The following SETD2 variants were observed in gnomAD, a reference collection of about 807,000 sequenced individuals.
SETD2 encodes histone-lysine N-methyltransferase SETD2.
In SETD2, 31 loss-of-function variants were observed where a neutral mutation model predicts 242.1. The observed-to-expected ratio is 0.13, with a 90% confidence interval of 0.10 to 0.17. The LOEUF (loss-of-function observed/expected upper bound fraction) is 0.17, where lower values mean the gene tolerates loss of function less well. Among genes scored for constraint, SETD2 ranks in the 10% least tolerant of loss-of-function variants. The pLI, the probability that SETD2 is intolerant of heterozygous loss-of-function variation, is 1.00. For missense variants in SETD2, 2,481 were observed against 3,046.3 expected (o/e 0.81, Z 4.37); for synonymous variants, 1,006 against 1,066.5 (o/e 0.94, Z 1.11).
In SETD2 at chr3:47,111,749, G is replaced by GA. The variant is rs1156878466; in HGVS notation, c.4715+2126dup. Among the ~76,000 whole-genome samples, 204 of 109,486 alleles carry GA rather than the reference G, an allele frequency of 1.9e-3. 1 individual carries two copies. The highest frequency in any genetic ancestry group is 4.9e-3 in the African/African-American group (143 of 29,112). The allele number at this position is 109,486 out of a possible 152,430, so 71.8% of individuals were successfully genotyped here. On this transcript the variant is annotated intron_variant, in intron 5 of 20. Coordinates refer to ENST00000409792, the MANE Select transcript of SETD2 (RefSeq NM_014159.7). ...TCAACATCATTTCTTATCTTCAAAG[G>GA]AAAAAAAAAAAAAGAACAATTTGCT...
rs147654468 is a variant in SETD2 at position 47,158,965 on chromosome 3, C to T, written c.71+4889G>A. Among the ~76,000 whole-genome samples the T allele has an allele frequency of 1.8e-3, 267 of 152,270 alleles. 2 individuals are homozygous for T. The highest frequency in any genetic ancestry group is 5.4e-3 in the African/African-American group (225 of 41,550). On this transcript the variant is annotated intron_variant, in intron 1 of 20. Transcript: ENST00000409792. ...CCTCAAACTGCACACTAAAACAGTT[C>T]TCTTAACACAGGCATTTAAAAAACC...
chr3:47,118,096 G>C (rs2042933666), intron 3 of SETD2, among the ~76,000 whole-genome samples: 1 of 152,168 alleles, frequency 6.6e-6, no homozygotes, highest in Non-Finnish European at 1.5e-5. Context: ...AGAGTGTTAT[G>C]ATAGTTTTAA....
intron 19 of SETD2, among the ~76,000 whole-genome samples, chr3:47,018,144 C>A (rs1242229780): frequency 6.6e-6 from 1 of 152,200 alleles, no homozygotes; most frequent in Non-Finnish European, 1.5e-5. Flanking sequence ...TGAGGCTTAG[C>A]AATCCCAGGA....
intron 15 of SETD2, among the ~76,000 whole-genome samples, chr3:47,048,798 C>T (rs1342102410): frequency 6.6e-6 from 1 of 150,888 alleles, no homozygotes; most frequent in Non-Finnish European, 1.5e-5. Context: ...CTCCCGAGTA[C>T]CTGGGACTAC....
intron 1 of SETD2, among the ~76,000 whole-genome samples, chr3:47,133,415 G>A (rs1196898860): frequency 2.0e-5 from 3 of 152,056 alleles, no homozygotes; most frequent in African/African-American, 4.8e-5. Context: ...AATCAAATAT[G>A]AAAAGTTGTT....
At chr3:47,149,471 T>A (rs756832784) in intron 1 of SETD2, among the ~76,000 whole-genome samples, 2 of 152,158 alleles carry the variant, frequency 1.3e-5, no homozygotes, top group African/African-American at 4.8e-5. Flanking sequence ...ACACCTCTTA[T>A]AGCACTCAGC....
intron 1 of SETD2, among the ~76,000 whole-genome samples, chr3:47,135,962 C>T (rs1488629970): frequency 6.6e-6 from 1 of 152,152 alleles, no homozygotes; most frequent in Non-Finnish European, 1.5e-5. Context: ...TCACAGACCA[C>T]ATTCTTCAGT....
chr3:47,139,587 T>C (rs1428103361), intron 1 of SETD2, among the ~76,000 whole-genome samples: 2 of 152,194 alleles, frequency 1.3e-5, no homozygotes, highest in Admixed American at 6.6e-5. Flanking sequence ...TACTAGTTTT[T>C]AGCTTCCTCA....
At chr3:47,085,386 C>T (rs2041509350) in intron 11 of SETD2, among the ~76,000 whole-genome samples, 1 of 152,202 alleles carries the variant, frequency 6.6e-6, no homozygotes, top group Non-Finnish European at 1.5e-5. Context: ...CTGTCATACA[C>T]ACAAAAATGC....
At chr3:47,089,219 G>A (rs1190149731) in intron 9 of SETD2, among the ~76,000 whole-genome samples, 1 of 152,170 alleles carries the variant, frequency 6.6e-6, no homozygotes, top group Non-Finnish European at 1.5e-5. Flanking sequence ...GCTGAGGCAG[G>A]AAGATGACTT....
At chr3:47,094,098 G>A (rs1275497067) in intron 9 of SETD2, among the ~76,000 whole-genome samples, 1 of 152,080 alleles carries the variant, frequency 6.6e-6, no homozygotes, top group Admixed American at 6.6e-5. Flanking sequence ...ACTCAGGTGG[G>A]TTTTCACCCT....
chr3:47,017,282 C>CA lies in SETD2; in HGVS notation c.7534-29dup. 6.2e-7 allele frequency: 1 copy of CA among 1,612,462 alleles called. No homozygotes were observed. The highest frequency in any genetic ancestry group is 8.5e-7 in the Non-Finnish European group (1 of 1,178,984). ...GTCCAGGGCACAGGAAGAGAGACCACAGCCACCAATCAGAGCAGAAATTAT... is the reference window on the plus strand; with the variant it reads ...GTCCAGGGCACAGGAAGAGAGACCACAAGCCACCAATCAGAGCAGAAATTAT... On this transcript the variant is annotated intron_variant, in intron 20 of 20. Transcript: ENST00000409792. The surrounding 1 kb of genome is among the most constrained non-coding windows in gnomAD (Gnocchi z 4.8).
At chr3:47,058,798 A>C (rs184593421) in intron 14 of SETD2, among the ~76,000 whole-genome samples, 103 of 151,358 alleles carry the variant, frequency 6.8e-4, no homozygotes, top group African/African-American at 2.1e-3. Flanking sequence ...GGCACAGGGG[A>C]ATTTTTTTTT....
Position 47,088,217 on chromosome 3 carries a change from T to C in SETD2, c.5173A>G (p.Asn1725Asp), listed in dbSNP as rs770349862. 6.2e-7 allele frequency: 1 copy of C among 1,613,600 alleles called. No homozygotes were observed. Among genetic ancestry groups the C allele is most frequent in the Non-Finnish European group, 8.5e-7 (1 of 1,179,796 alleles). The change falls in exon 10 of 21, where the codon AAT (asparagine) becomes GAT (aspartate). Residue 1725 changes from asparagine (N) to aspartate (D), a missense_variant. Around this residue, in one of 17 missense-constraint regions of SETD2, gnomAD observed 62 missense variants for 136.7 expected, o/e 0.45. Coordinates refer to ENST00000409792, the MANE Select transcript of SETD2 (RefSeq NM_014159.7). The part of the protein sequence containing the change: ...VDGELEALME[N>D]GEGLSDKNQV... ...TTTTTATCAGAGAGACCCTCACCAT[T>C]TTCCATCAGAGCTTCTAGCTCTCCA...
At chr3:47,112,367 C>T (rs755240006) in intron 5 of SETD2, among the ~76,000 whole-genome samples, 3 of 152,062 alleles carry the variant, frequency 2.0e-5, no homozygotes, top group Admixed American at 6.5e-5. Flanking sequence ...CTGCAACCTT[C>T]GCTTCCCCGG....
chr3:47,164,301 G>A (rs987820994), upstream of SETD2, among the ~76,000 whole-genome samples: 5 of 152,104 alleles, frequency 3.3e-5, no homozygotes, highest in South Asian at 8.3e-4. This position sits in a 1 kb window ranked among gnomAD's most constrained non-coding sequence, Gnocchi z 5.4. Context: ...GGCCGACCGT[G>A]CCTGTGGCTC....
chr3:47,067,899 GTGTT>G (rs2040634679), intron 12 of SETD2, among the ~76,000 whole-genome samples: 3 of 152,224 alleles, frequency 2.0e-5, no homozygotes, highest in South Asian at 2.1e-4. Flanking sequence ...CTTTCACATT[GTGTT>G]TGTTATAAAA....
chr3:47,090,485 G>C (rs1379645870), intron 9 of SETD2, among the ~76,000 whole-genome samples: 1 of 152,008 alleles, frequency 6.6e-6, no homozygotes, highest in Admixed American at 6.6e-5. Context: ...CCACCTCCCA[G>C]GTTCAAGTGA....
chr3:47,064,327 T>C (rs895489976), intron 13 of SETD2, among the ~76,000 whole-genome samples: 31 of 152,174 alleles, frequency 2.0e-4, no homozygotes, highest in African/African-American at 7.2e-4. Context: ...ACAGAACTCA[T>C]TTGTACCACA....
Sources: gnomAD v4.1 joint callset for allele counts (sites outside exome capture counted in the v4.1 genomes callset) on GRCh38, gnomAD v4.1.1 for gene constraint, gnomAD v4.1.1 regional missense constraint, Gnocchi (gnomAD v3.1) non-coding constraint, MANE v1.5 for transcripts, NCBI Gene and HGNC (gene_info 2026-07-23, HGNC 2026-07-21) for gene names.